RAMP1: variants seen among roughly 807,000 people sequenced by gnomAD.
RAMP1 encodes the protein receptor activity modifying protein 1.
A neutral mutation model predicts 8.2 loss-of-function variants in RAMP1; 7 were observed. The ratio of observed to expected loss-of-function variants is 0.85; its 90% CI spans 0.49 to 1.60. The LOEUF is 1.60. Among genes scored for constraint, RAMP1 ranks in the 40% most tolerant of loss-of-function variants. The pLI, the probability that RAMP1 is intolerant of heterozygous loss-of-function variation, is 0.00. For missense variants in RAMP1, 192 were observed against 202.4 expected (o/e 0.95, Z 0.31); for synonymous variants, 92 against 84.7 (o/e 1.09, Z -0.47).
At chr2:237,859,567 C>G, upstream of RAMP1, 4 of 788,476 alleles carry the variant, frequency 5.1e-6, no homozygotes, top group Non-Finnish European at 6.2e-6. Flanking sequence ...CCCACCGCTC[C>G]CGCGCCCGCT....
At chr2:237,875,046 A>G (rs1428495999) in intron 1 of RAMP1, among the ~76,000 whole-genome samples, 1 of 152,158 alleles carries the variant, frequency 6.6e-6, no homozygotes, top group Non-Finnish European at 1.5e-5. Flanking sequence ...CGATTCTCCA[A>G]TTGCAGCTGG....
Position 237,865,686 on chromosome 2 carries a change from G to A in RAMP1, c.52+5959G>A, listed in dbSNP as rs773938592. Among the ~76,000 whole-genome samples, 2 of 152,134 alleles carry A rather than the reference G, an allele frequency of 1.3e-5. No individual in the cohort carries two copies. The highest frequency in any genetic ancestry group is 6.5e-5 in the Admixed American group (1 of 15,278). On this transcript the variant is annotated intron_variant, in intron 1 of 2. Coordinates refer to ENST00000254661, the MANE Select transcript of RAMP1 (RefSeq NM_005855.4). The surrounding 1 kb of genome is among the most constrained non-coding windows in gnomAD (Gnocchi z 4.2). ...TATGGCCAAGAGAGGTGTTTCTGGC[G>A]GCAGCAGGGCCTGGCCTATGTCAAA...
At chr2:237,899,132 A>T (rs1458468050) in intron 2 of RAMP1, among the ~76,000 whole-genome samples, 1 of 151,658 alleles carries the variant, frequency 6.6e-6, no homozygotes, top group Admixed American at 6.6e-5. Flanking sequence ...GTGCAGTGGC[A>T]TGATCTCCGC....
chr2:237,886,805 T>C (rs1284924683), intron 2 of RAMP1, among the ~76,000 whole-genome samples: 1 of 152,224 alleles, frequency 6.6e-6, no homozygotes, highest in African/African-American at 2.4e-5. Context: ...ATCAGGCCTG[T>C]GCGTCAACGC....
In RAMP1 at chr2:237,877,425, AGGAGT is replaced by A; in HGVS notation, c.191+67_191+71del. On this transcript the variant is annotated intron_variant, in intron 2 of 2. Coordinates refer to ENST00000254661, the MANE Select transcript of RAMP1 (RefSeq NM_005855.4). This position sits in a 1 kb window ranked among gnomAD's most constrained non-coding sequence, Gnocchi z 4.4. ...GGGAGGGAGAGGGGGCAAGCGGAGG[AGGAGT>A]GGACCACGTGGGAGCTGTGGAAGAT... The A allele has an allele frequency of 6.4e-7, 1 of 1,564,080 alleles. No homozygotes were observed. Among genetic ancestry groups the A allele is most frequent in the African/African-American group, 1.4e-5 (1 of 74,032 alleles).
chr2:237,897,821 T>C (rs1384367643), intron 2 of RAMP1, among the ~76,000 whole-genome samples: 1 of 151,614 alleles, frequency 6.6e-6, no homozygotes, highest in African/African-American at 2.4e-5. Flanking sequence ...TTTTTTGAGA[T>C]GGGGTCTCGC....
rs893476876 is a variant in RAMP1 at position 237,862,867 on chromosome 2, G to C, written c.52+3140G>C. Among the ~76,000 whole-genome samples, 4 of 152,182 alleles carry C rather than the reference G, an allele frequency of 2.6e-5. No homozygotes were observed. The highest frequency in any genetic ancestry group is 4.4e-5 in the Non-Finnish European group (3 of 68,038). ...TCTGCTGGAACCACGGGGAAAAGCT[G>C]CGTCTTTCCTCCAGGCTGGATCTGA... On this transcript the variant is annotated intron_variant, in intron 1 of 2. Coordinates refer to ENST00000254661, the MANE Select transcript of RAMP1 (RefSeq NM_005855.4). This position sits in a 1 kb window ranked among gnomAD's most constrained non-coding sequence, Gnocchi z 4.0.
chr2:237,897,426 GCCT>G (rs978579742), intron 2 of RAMP1, among the ~76,000 whole-genome samples: 3 of 152,184 alleles, frequency 2.0e-5, no homozygotes, highest in Admixed American at 2.0e-4. Flanking sequence ...AGGAATTGTG[GCCT>G]CCTCCACAGC....
intron 2 of RAMP1, among the ~76,000 whole-genome samples, chr2:237,882,599 T>TCCGTCCTGGCGATGTCCCTA (rs372125467): frequency 1.1e-4 from 16 of 152,294 alleles, no homozygotes; most frequent in African/African-American, 3.8e-4. Flanking sequence ...AGGTGCTGCC[T>TCCGTCCTGGCGATGTCCCTA]CCGTCCTGGC....
Position 237,878,987 on chromosome 2 carries a change from G to T in RAMP1, c.191+1625G>T, listed in dbSNP as rs1227763428. 1.3e-5 allele frequency among the ~76,000 whole-genome samples: 2 copies of T among 152,216 alleles called. No homozygotes were observed. The highest frequency in any genetic ancestry group is 2.9e-5 in the Non-Finnish European group (2 of 68,042). Reference sequence around the variant, plus strand: ...CCAGGGGCCCTGTGCCCTCAGCAGGGTCTCCTCACTCTACTGTACTGAAGG... The same window carrying T: ...CCAGGGGCCCTGTGCCCTCAGCAGGTTCTCCTCACTCTACTGTACTGAAGG... On this transcript the variant is annotated intron_variant, in intron 2 of 2. Coordinates refer to ENST00000254661, the MANE Select transcript of RAMP1 (RefSeq NM_005855.4). The surrounding 1 kb of genome is among the most constrained non-coding windows in gnomAD (Gnocchi z 5.7).
chr2:237,867,241 A>C (rs1218022315), intron 1 of RAMP1, among the ~76,000 whole-genome samples: 2 of 152,008 alleles, frequency 1.3e-5, no homozygotes, highest in Non-Finnish European at 2.9e-5. Flanking sequence ...TCTCAAAAAA[A>C]CCCACAGAAA....
intron 2 of RAMP1, among the ~76,000 whole-genome samples, chr2:237,899,838 A>G (rs4663801): frequency 0.86 from 130,227 of 152,196 alleles, 55,935 homozygotes; most frequent in East Asian, 0.94. Context: ...AGCACTTTGG[A>G]AGGCCGAGGT....
chr2:237,888,942 T>G (rs2062462735), intron 2 of RAMP1, among the ~76,000 whole-genome samples: 1 of 152,062 alleles, frequency 6.6e-6, no homozygotes, highest in African/African-American at 2.4e-5. Context: ...CAGCTAATTT[T>G]TTGTATTTTT....
intron 1 of RAMP1, among the ~76,000 whole-genome samples, chr2:237,871,430 C>T (rs547394422): frequency 7.2e-5 from 11 of 152,224 alleles, no homozygotes; most frequent in Non-Finnish European, 1.0e-4. Flanking sequence ...ATGCCTGAAA[C>T]GGACCAGGCC....
intron 2 of RAMP1, among the ~76,000 whole-genome samples, chr2:237,901,053 G>T (rs1208358224): frequency 1.3e-5 from 2 of 152,206 alleles, no homozygotes; most frequent in Non-Finnish European, 2.9e-5. Context: ...TGGCAGCTGC[G>T]GGCTGTCTGT....
At chr2:237,900,761 T>C (rs1006608556) in intron 2 of RAMP1, among the ~76,000 whole-genome samples, 1 of 152,200 alleles carries the variant, frequency 6.6e-6, no homozygotes, top group Non-Finnish European at 1.5e-5. Flanking sequence ...TTCCATTTTT[T>C]TAAATTTATC....
intron 2 of RAMP1, among the ~76,000 whole-genome samples, chr2:237,892,276 C>CTTTTTTTTTTTTTT (rs201847138): frequency 7.4e-6 from 1 of 134,376 alleles, no homozygotes; most frequent in Non-Finnish European, 1.6e-5. Context: ...TTCTTTCTTT[C>CTTTTTTTTTTTTTT]TTTTTTTTTT....
At chr2:237,888,807 T>A (rs2062461084) in intron 2 of RAMP1, among the ~76,000 whole-genome samples, 1 of 152,212 alleles carries the variant, frequency 6.6e-6, no homozygotes, top group Admixed American at 6.5e-5. Flanking sequence ...AGTCTCCCTC[T>A]CTTGCCCAGG....
At chr2:237,879,455 G>T (rs1000322604) in intron 2 of RAMP1, among the ~76,000 whole-genome samples, 66 of 151,584 alleles carry the variant, frequency 4.4e-4, no homozygotes, top group Non-Finnish European at 8.0e-4. Context: ...GGAACTAGAA[G>T]GAGGGGGAGT....
Sources: allele counts gnomAD v4.1 joint callset (sites outside exome capture counted in the v4.1 genomes callset), GRCh38; gene constraint gnomAD v4.1.1; non-coding constraint Gnocchi (gnomAD v3.1); transcripts MANE v1.5; gene names NCBI Gene and HGNC (gene_info 2026-07-23, HGNC 2026-07-21).